TMEM168: variants seen among roughly 807,000 people sequenced by gnomAD.
TMEM168 encodes the protein transmembrane protein 168.
In TMEM168, 40 loss-of-function variants were observed where a neutral mutation model predicts 53.2. The ratio of observed to expected loss-of-function variants is 0.75; its 90% CI spans 0.58 to 0.98. TMEM168 has a LOEUF of 0.98. Among genes scored for constraint, TMEM168 ranks in the 50% least tolerant of loss-of-function variants. TMEM168 has a pLI of 0.00. For synonymous variants in TMEM168, 282 were observed against 293.0 expected, an observed-to-expected ratio of 0.96 and a Z score of 0.38; for missense variants, 771 against 828.8, an observed-to-expected ratio of 0.93 and a Z score of 0.86.
chr7:112,766,010 CTTGT>C lies in TMEM168; in HGVS notation c.*1183_*1186del, dbSNP rs1022946711. On this transcript the variant is annotated 3_prime_UTR_variant, in exon 5 of 5. Transcript: ENST00000312814. ...TACCCCAATTTAATTCTATTCCCTT[CTTGT>C]TTGTTATTTCTCATAGATGAAAATT... 14 of 152,470 alleles carry C rather than the reference CTTGT, an allele frequency of 9.2e-5. No homozygotes were observed. The highest frequency in any genetic ancestry group is 3.1e-4 in the African/African-American group (13 of 41,408). 9.4% of individuals were successfully genotyped at this position (152,470 alleles called of 1,614,324 possible).
At chr7:112,771,840 C>A (rs1231111238) in intron 4 of TMEM168, among the ~76,000 whole-genome samples, 1 of 151,220 alleles carries the variant, frequency 6.6e-6, no homozygotes, top group East Asian at 1.9e-4. Flanking sequence ...TGGTTTAAAA[C>A]ATCTACACTT....
In TMEM168 at chr7:112,767,178, T is replaced by A; in HGVS notation, c.*19A>T. ...TTGGTAGTATGAGTGCTTATTAATATCCCGCTTTGGGGTCCAAATTAAGAT... is the reference window on the plus strand; with the variant it reads ...TTGGTAGTATGAGTGCTTATTAATAACCCGCTTTGGGGTCCAAATTAAGAT... On this transcript the variant is annotated 3_prime_UTR_variant, in exon 5 of 5. Coordinates refer to ENST00000312814, the MANE Select transcript of TMEM168 (RefSeq NM_022484.6). 6.3e-7 allele frequency: 1 copy of A among 1,590,602 alleles called. No homozygotes were observed. The highest frequency in any genetic ancestry group is 8.5e-7 in the Non-Finnish European group (1 of 1,169,866).
rs1793329992 is a variant in TMEM168 at position 112,784,690 on chromosome 7, C to A, written c.136G>T (p.Val46Phe). The A allele has an allele frequency of 6.2e-7, 1 of 1,613,840 alleles. No individual in the cohort carries two copies. Among genetic ancestry groups the A allele is most frequent in the Non-Finnish European group, 8.5e-7 (1 of 1,179,988 alleles). ...LGYLARINLLVAICLGLYVRW... is the reference protein window; with the variant it reads ...LGYLARINLLFAICLGLYVRW... ...ACGTATAGACCTAAGCATATAGCAA[C>A]CAATAAATTGATTCTGGCTAAATAG... The change falls in exon 2 of 5, where the codon GTT (valine) becomes TTT (phenylalanine). Residue 46 changes from valine to phenylalanine, a missense_variant. Transcript: ENST00000312814.
chr7:112,773,107 T>C, intron 3 of TMEM168, 52 bp from the exon 4 acceptor site: 1 of 1,511,092 alleles, frequency 6.6e-7, no homozygotes, highest in Non-Finnish European at 8.9e-7. Context: ...CATTCTCATC[T>C]GTCATTTGTA....
intron 2 of TMEM168, among the ~76,000 whole-genome samples, chr7:112,781,153 C>T (rs1793221639): frequency 6.7e-6 from 1 of 150,050 alleles, no homozygotes; most frequent in Non-Finnish European, 1.5e-5. Context: ...ATTGAAAAAG[C>T]AAGTAGACAA....
intron 2 of TMEM168, among the ~76,000 whole-genome samples, chr7:112,777,908 G>GAA (rs1793131530): frequency 9.6e-6 from 1 of 104,540 alleles, no homozygotes; most frequent in Admixed American, 8.4e-5. Context: ...GTGTGTGTGT[G>GAA]TGTGTGTGTG....
chr7:112,787,615 A>G (rs1041818053), intron 1 of TMEM168, among the ~76,000 whole-genome samples: 1 of 149,152 alleles, frequency 6.7e-6, no homozygotes, highest in Non-Finnish European at 1.5e-5. Context: ...GGGTTTCACC[A>G]TATTGGCCAG....
rs746152461 is a variant in TMEM168, at chr7:112,767,257, C to A, written c.2034G>T (p.Met678Ile). The part of the protein sequence containing the change: ...TCFRCLKRLK[M>I]SWFLPTVLDT... ...CCAGCACAGTAGGAAGAAACCAACT[C>A]ATTTTTAATCTTTTCAAGCACCTAA... The change falls in exon 5 of 5, where the codon ATG (methionine) becomes ATT (isoleucine). Residue 678 changes from methionine (M) to isoleucine (I), a missense_variant. By Grantham distance (10) the Met-to-Ile change is conservative (BLOSUM62 1). Transcript: ENST00000312814. The A allele has an allele frequency of 6.2e-7, 1 of 1,614,104 alleles. No homozygotes were observed.
rs1177217139 is a variant in TMEM168 at position 112,766,798 on chromosome 7, C to CT, written c.*398dup. On this transcript the variant is annotated 3_prime_UTR_variant, in exon 5 of 5. Transcript: ENST00000312814. The stretch of plus-strand genomic sequence containing the variant: ...CTTCTGTAAGTAAACTGGTAGTTTT[C>CT]TTAAAACAGTAAACAAATTTATCTG... 6.3e-6 allele frequency: 1 copy of CT among 158,116 alleles called. No homozygotes were observed. Among genetic ancestry groups the CT allele is most frequent in the African/African-American group, 2.4e-5 (1 of 41,584 alleles). The allele number at this position is 158,116 out of a possible 1,614,324, so 9.8% of individuals were successfully genotyped here.
At chr7:112,788,557 A>G (rs1388434981) in intron 1 of TMEM168, 1 of 152,238 alleles carries the variant, frequency 6.6e-6, no homozygotes, top group African/African-American at 2.4e-5. Context: ...GAGTTAGAGA[A>G]TAACAGAAAA....
chr7:112,787,390 G>A (rs1793412444), intron 1 of TMEM168, among the ~76,000 whole-genome samples: 1 of 151,752 alleles, frequency 6.6e-6, no homozygotes, highest in Non-Finnish European at 1.5e-5. Flanking sequence ...TGGGGGGAGG[G>A]GGAAGGGGGG....
chr7:112,772,656 T>C (rs2116240892), intron 4 of TMEM168, 125 bp downstream of exon 4: 2 of 1,102,702 alleles, frequency 1.8e-6, no homozygotes, highest in Non-Finnish European at 2.6e-6. Context: ...GAAAAACAAA[T>C]TAGAGTCATA....
intron 1 of TMEM168, among the ~76,000 whole-genome samples, chr7:112,785,419 C>T (rs968410702): frequency 1.3e-5 from 2 of 152,100 alleles, no homozygotes; most frequent in African/African-American, 2.4e-5. Context: ...GCCAAATATC[C>T]CCTACATCTT....
chr7:112,785,319 T>C (rs1793348836), intron 1 of TMEM168, among the ~76,000 whole-genome samples: 1 of 152,228 alleles, frequency 6.6e-6, no homozygotes, highest in Admixed American at 6.5e-5. Context: ...GAAAGCTACT[T>C]AGTTCTTAAA....
At chr7:112,784,979 G>C in intron 1 of TMEM168, 26 bp from the exon 2 acceptor site, 1 of 549,430 alleles carries the variant, frequency 1.8e-6, no homozygotes, top group Non-Finnish European at 2.8e-6. Context: ...CAATATTTCA[G>C]AGTTAATTTT....
intron 4 of TMEM168, among the ~76,000 whole-genome samples, chr7:112,769,166 T>C (rs891265756): frequency 6.6e-6 from 1 of 152,230 alleles, no homozygotes; most frequent in African/African-American, 2.4e-5. Flanking sequence ...GATTCTATCA[T>C]ATTCTTTATG....
intron 2 of TMEM168, chr7:112,778,464 CTTATT>C (rs1793149051): frequency 6.6e-6 from 1 of 152,106 alleles, no homozygotes; most frequent in African/African-American, 2.4e-5. Flanking sequence ...AAGTTTAAAA[CTTATT>C]TTATGTTTCT....
intron 2 of TMEM168, 104 bp downstream of exon 2, chr7:112,783,594 A>G (rs1475058510): frequency 6.1e-6 from 7 of 1,148,676 alleles, no homozygotes; most frequent in Non-Finnish European, 8.2e-6. Context: ...AAACATGAAT[A>G]TCCTTTTGAA....
chr7:112,771,385 A>C (rs993856585), intron 4 of TMEM168, among the ~76,000 whole-genome samples: 1 of 152,176 alleles, frequency 6.6e-6, no homozygotes, highest in Non-Finnish European at 1.5e-5. Context: ...GATAAGTTAC[A>C]TAACAACTTT....
Sources: allele counts gnomAD v4.1 joint callset (sites outside exome capture counted in the v4.1 genomes callset), GRCh38; gene constraint gnomAD v4.1.1; transcripts MANE v1.5; gene names NCBI Gene and HGNC (gene_info 2026-07-23, HGNC 2026-07-21).